Variants in PCBD2 observed in about 807,000 individuals in gnomAD.
PCBD2 encodes pterin-4-alpha-carbinolamine dehydratase 2.
PCBD2 carries 12 observed loss-of-function variants against 16.4 expected under a neutral mutation model. That is an observed-to-expected ratio of 0.73 (90% CI 0.47 to 1.19). The LOEUF (loss-of-function observed/expected upper bound fraction) is 1.19. Ranked by LOEUF, PCBD2 falls within the 50% of genes most tolerant of loss-of-function variation. The pLI, the probability that PCBD2 is intolerant of heterozygous loss-of-function variation, is 0.00. For missense variants in PCBD2, 138 were observed against 156.8 expected, an observed-to-expected ratio of 0.88 and a Z score of 0.64; for synonymous variants, 58 against 61.8, an observed-to-expected ratio of 0.94 and a Z score of 0.29.
chr5:134,957,124 G>A (rs1299839150), intron 2 of PCBD2, among the ~76,000 whole-genome samples: 5 of 152,140 alleles, frequency 3.3e-5, no homozygotes, highest in Non-Finnish European at 7.3e-5. Context: ...TTAGCCAGGC[G>A]TGGTGGCAGG....
At chr5:134,920,826 T>G (rs1336464933) in intron 2 of PCBD2, among the ~76,000 whole-genome samples, 4 of 152,228 alleles carry the variant, frequency 2.6e-5, no homozygotes, top group African/African-American at 9.7e-5. Flanking sequence ...TGGCTAATTT[T>G]TTGTATTTTT....
chr5:134,932,831 G>T (rs1751115013), intron 2 of PCBD2, among the ~76,000 whole-genome samples: 1 of 152,024 alleles, frequency 6.6e-6, no homozygotes, highest in Non-Finnish European at 1.5e-5. Context: ...GCTTGTGGGT[G>T]AGTCTCTTCC....
At chr5:134,941,083 C>A (rs1037492272) in intron 2 of PCBD2, among the ~76,000 whole-genome samples, 1 of 141,978 alleles carries the variant, frequency 7.0e-6, no homozygotes. Flanking sequence ...CCACTGCACT[C>A]GAGCCTGGGC....
intron 2 of PCBD2, among the ~76,000 whole-genome samples, chr5:134,952,694 A>G (rs184663551): frequency 6.6e-6 from 1 of 152,102 alleles, no homozygotes; most frequent in Non-Finnish European, 1.5e-5. Context: ...AGTCCTAGCT[A>G]CTTGGGAGGC....
chr5:134,933,729 C>T (rs529028740), intron 2 of PCBD2, among the ~76,000 whole-genome samples: 3 of 152,216 alleles, frequency 2.0e-5, no homozygotes, highest in South Asian at 4.1e-4. Context: ...CTGGGTAGTT[C>T]TTGCTAAATA....
At chr5:134,955,129 G>GTA (rs34308484) in intron 2 of PCBD2, among the ~76,000 whole-genome samples, 2,982 of 146,814 alleles carry the variant, frequency 0.02, 50 homozygotes, top group African/African-American at 0.051. Context: ...CTTTGCTACA[G>GTA]TATATATATA....
chr5:134,905,249 GGGGGTCC>G (rs1255737016), intron 1 of PCBD2, 26 bp downstream of exon 1: 27 of 1,222,972 alleles, frequency 2.2e-5, no homozygotes, highest in African/African-American at 3.1e-5. Context: ...CCGCGTGGGT[GGGGGTCC>G]GGGGTCGGGG....
In PCBD2 at chr5:134,913,503, G is replaced by A. The variant is rs544210824; in HGVS notation, c.216+3037G>A. On this transcript the variant is annotated intron_variant, in intron 2 of 3. Transcript: ENST00000254908. ...AAGGCCAGTGTGGAGTGGAGCAGGC[G>A]AGGAGACGAGGGGAAGGGTCAGAGC... 6.6e-5 allele frequency among the ~76,000 whole-genome samples: 10 copies of A among 152,322 alleles called. No individual in the cohort carries two copies. In the East Asian group the frequency reaches 7.7e-4, roughly 12 times the overall value.
chr5:134,906,704 T>C (rs1380231629), intron 1 of PCBD2, among the ~76,000 whole-genome samples: 4 of 152,130 alleles, frequency 2.6e-5, no homozygotes, highest in Non-Finnish European at 2.9e-5. Context: ...CTAGGTACCC[T>C]CACATTCAAG....
chr5:134,925,200 G>A, intron 2 of PCBD2: 1 of 398,464 alleles, frequency 2.5e-6, no homozygotes. Context: ...TGCTATAGGC[G>A]CTTGTCAGGG....
intron 2 of PCBD2, among the ~76,000 whole-genome samples, chr5:134,947,341 C>T (rs890056981): frequency 1.3e-5 from 2 of 151,444 alleles, no homozygotes; most frequent in African/African-American, 4.9e-5. Flanking sequence ...AATCTGCCTG[C>T]CTTGGTCTCC....
chr5:134,931,038 C>T lies in PCBD2; in HGVS notation c.216+20572C>T, dbSNP rs553156584. 2.6e-5 allele frequency among the ~76,000 whole-genome samples: 4 copies of T among 152,224 alleles called. No individual in the cohort carries two copies. The South Asian group carries it at 8.3e-4, about 32-fold the overall frequency. On this transcript the variant is annotated intron_variant, in intron 2 of 3. Coordinates refer to ENST00000254908, the MANE Select transcript of PCBD2 (RefSeq NM_032151.5). The stretch of plus-strand genomic sequence containing the variant: ...GTTCACGCCATTCTCCCACCTCAGC[C>T]TACCGAGTAGCTGGGACTACAGGCA...
Position 134,955,347 on chromosome 5 carries a change from C to G in PCBD2, c.217-3693C>G, listed in dbSNP as rs144082692. 7.3e-3 allele frequency among the ~76,000 whole-genome samples: 974 copies of G among 133,858 alleles called. 5 individuals are homozygous for G. The highest frequency in any genetic ancestry group is 0.043 in the Middle Eastern group (10 of 230). The allele number at this position is 133,858 out of a possible 152,430, so 87.8% of individuals were successfully genotyped here. On this transcript the variant is annotated intron_variant, in intron 2 of 3. Transcript: ENST00000254908. ...TTTTTGAGATGGAGTCTTGCTCTGT[C>G]GTCAGGCTGGAGTGCAGTGGTGCGA...
chr5:134,918,014 AC>A (rs1169014749), intron 2 of PCBD2, among the ~76,000 whole-genome samples: 1 of 152,238 alleles, frequency 6.6e-6, no homozygotes, highest in Non-Finnish European at 1.5e-5. Context: ...ACAATCCTCC[AC>A]AGAATATTGG....
At chr5:134,956,311 T>C (rs1751414805) in intron 2 of PCBD2, among the ~76,000 whole-genome samples, 1 of 152,204 alleles carries the variant, frequency 6.6e-6, no homozygotes. Flanking sequence ...TATGTAGATA[T>C]GGTAGATGTT....
chr5:134,934,548 C>T (rs1214092937), intron 2 of PCBD2, among the ~76,000 whole-genome samples: 2 of 152,188 alleles, frequency 1.3e-5, no homozygotes, highest in Admixed American at 6.5e-5. Flanking sequence ...TTTGTAGCCA[C>T]GGTATTCATA....
At chr5:134,915,106 G>A (rs1479706554) in intron 2 of PCBD2, among the ~76,000 whole-genome samples, 1 of 152,116 alleles carries the variant, frequency 6.6e-6, no homozygotes, top group Non-Finnish European at 1.5e-5. Flanking sequence ...CACGAAGTCA[G>A]GAGTTCGAGA....
chr5:134,935,299 A>G (rs914397888), intron 2 of PCBD2, among the ~76,000 whole-genome samples: 8 of 152,218 alleles, frequency 5.3e-5, no homozygotes, highest in Non-Finnish European at 1.0e-4. Context: ...GCATCTGCCT[A>G]AACAGGAGTG....
chr5:134,905,968 G>C (rs1242879866), intron 1 of PCBD2, among the ~76,000 whole-genome samples: 2 of 152,040 alleles, frequency 1.3e-5, no homozygotes, highest in Non-Finnish European at 2.9e-5. Context: ...CATCTCCTGG[G>C]TTCACGCTAT....
Sources: gnomAD v4.1 joint callset for allele counts (sites outside exome capture counted in the v4.1 genomes callset) on GRCh38, gnomAD v4.1.1 for gene constraint, MANE v1.5 for transcripts, NCBI Gene and HGNC (gene_info 2026-07-23, HGNC 2026-07-21) for gene names.